Variants in TXNDC15 observed in about 807,000 individuals in gnomAD.
TXNDC15 encodes the protein thioredoxin domain containing 15.
A neutral mutation model predicts 35.0 loss-of-function variants in TXNDC15; 24 were observed. The ratio of observed to expected loss-of-function variants is 0.68; its 90% CI spans 0.50 to 0.96. The LOEUF (loss-of-function observed/expected upper bound fraction) is 0.96. TXNDC15 is among the 40% of genes least tolerant of loss of function. The pLI is 0.00. For synonymous variants in TXNDC15, 169 were observed against 174.0 expected, an observed-to-expected ratio of 0.97 and a Z score of 0.23; for missense variants, 385 against 453.3, an observed-to-expected ratio of 0.85 and a Z score of 1.37.
At chr5:134,880,847 T>C (rs1750127675) in intron 1 of TXNDC15, among the ~76,000 whole-genome samples, 1 of 152,178 alleles carries the variant, frequency 6.6e-6, no homozygotes, top group Non-Finnish European at 1.5e-5. Context: ...CATGATGTTT[T>C]GTTTTTTTTC....
chr5:134,890,587 T>G (rs796514455), intron 2 of TXNDC15, among the ~76,000 whole-genome samples: 3 of 152,132 alleles, frequency 2.0e-5, no homozygotes, highest in African/African-American at 7.2e-5. Flanking sequence ...TTTTTGTATT[T>G]TTAGTAGAGA....
chr5:134,893,747 G>A (rs1183558138), intron 3 of TXNDC15, 92 bp downstream of exon 3: 8 of 1,515,710 alleles, frequency 5.3e-6, no homozygotes, highest in Admixed American at 3.4e-5. Context: ...AAGCAGAAGA[G>A]GGGGGGCATG....
rs758655141 is a variant in TXNDC15, at chr5:134,896,315, C to A, written c.777C>A (p.Thr259=). The A allele has an allele frequency of 1.2e-6, 2 of 1,613,520 alleles. No individual in the cohort carries two copies. The highest frequency in any genetic ancestry group is 2.2e-5 in the East Asian group (1 of 44,844). The part of the protein sequence containing the change: ...QHSSLSTRFG[T]VAVPNILLFQ... ...GTAGCCTTTCTACCAGGTTTGGCACCGTAGCTGTTCCTAATATTTTATTAT... is the reference window on the plus strand; with the variant it reads ...GTAGCCTTTCTACCAGGTTTGGCACAGTAGCTGTTCCTAATATTTTATTAT... Residue 259 remains threonine, a synonymous_variant, in exon 4 of 5, where the codon ACC becomes ACA. Coordinates refer to ENST00000358387, the MANE Select transcript of TXNDC15 (RefSeq NM_024715.4).
intron 1 of TXNDC15, among the ~76,000 whole-genome samples, chr5:134,885,594 C>T (rs567330480): frequency 6.6e-6 from 1 of 152,290 alleles, no homozygotes; most frequent in East Asian, 1.9e-4. Flanking sequence ...CTAGATAGCT[C>T]CTCTCATCTG....
chr5:134,896,244 A>G, intron 3 of TXNDC15, 50 bp from the exon 4 acceptor site: 2 of 1,582,792 alleles, frequency 1.3e-6, no homozygotes, highest in Non-Finnish European at 8.6e-7. Context: ...TGTATGAGAA[A>G]GCCCTCTATT....
At chr5:134,883,701 C>A (rs1162383422) in intron 1 of TXNDC15, among the ~76,000 whole-genome samples, 1 of 151,098 alleles carries the variant, frequency 6.6e-6, no homozygotes, top group Non-Finnish European at 1.5e-5. Context: ...TCACTTGGGG[C>A]CAGGAGTTTG....
intron 3 of TXNDC15, among the ~76,000 whole-genome samples, chr5:134,894,424 A>G (rs1294917689): frequency 4.1e-5 from 6 of 148,022 alleles, no homozygotes; most frequent in Non-Finnish European, 7.4e-5. Flanking sequence ...CTGGAGTGCA[A>G]TGGTGTGATC....
chr5:134,898,873 G>C (rs183644940), intron 4 of TXNDC15, among the ~76,000 whole-genome samples: 1 of 152,156 alleles, frequency 6.6e-6, no homozygotes, highest in Admixed American at 6.5e-5. Flanking sequence ...TCTGGAGTTC[G>C]AGACCAGCCT....
chr5:134,875,131 C>T (rs538954135), intron 1 of TXNDC15: 50 of 456,278 alleles, frequency 1.1e-4, no homozygotes, highest in South Asian at 7.6e-4. Context: ...TTGCTCAGCT[C>T]CCTGCATGAA....
Position 134,893,582 on chromosome 5 carries a change from C to T in TXNDC15, c.682C>T (p.Pro228Ser). The stretch of plus-strand genomic sequence containing the variant: ...GTGCCGCTTTTCTGCCAGTTTGGCC[C>T]CTCACTTTAACTCTCTGCCCCGGGC... ...PWCRFSASLA[P>S]HFNSLPRAFP... is the part of the protein sequence containing the mutation. The change falls in exon 3 of 5, where the codon CCT becomes TCT. Residue 228 changes from proline (P) to serine (S), a missense_variant. Pro to Ser is a moderately conservative substitution (Grantham distance 74, BLOSUM62 -1). Transcript: ENST00000358387. 1 of 1,614,226 alleles carries T rather than the reference C, an allele frequency of 6.2e-7. No homozygotes were observed. Among genetic ancestry groups the T allele is most frequent in the African/African-American group, 1.3e-5 (1 of 75,052 alleles).
chr5:134,874,167 C>G (rs538154670), upstream of TXNDC15: 5 of 443,012 alleles, frequency 1.1e-5, no homozygotes, highest in East Asian at 1.6e-4. Flanking sequence ...CAGAGCCATG[C>G]TCTGCACTCT....
chr5:134,884,680 A>G (rs2150186301), intron 1 of TXNDC15, among the ~76,000 whole-genome samples: 1 of 151,464 alleles, frequency 6.6e-6, no homozygotes, highest in South Asian at 2.1e-4. Context: ...GATATTTTTA[A>G]TATCTTATAT....
Position 134,893,453 on chromosome 5 carries a change from T to C in TXNDC15, c.592-39T>C, listed in dbSNP as rs774530250. On this transcript the variant is annotated intron_variant, in intron 2 of 4. Coordinates refer to ENST00000358387, the MANE Select transcript of TXNDC15 (RefSeq NM_024715.4). ...TGGGTATCCTTTCAGAAAAATGTAC[T>C]TTTACTGCTAACTTTAATGCTTGTT... The C allele has an allele frequency of 5.6e-6, 9 of 1,610,676 alleles. No individual in the cohort carries two copies. In the South Asian group the frequency reaches 7.7e-5, roughly 14 times the overall value.
chr5:134,898,069 G>A (rs1334719635), intron 4 of TXNDC15, among the ~76,000 whole-genome samples: 1 of 151,768 alleles, frequency 6.6e-6, no homozygotes, highest in Non-Finnish European at 1.5e-5. Context: ...CAGCACCACT[G>A]CTCCTGCCTT....
rs114833307 is a variant in TXNDC15 at position 134,888,451 on chromosome 5, C to T, written c.591+269C>T. Among the ~76,000 whole-genome samples the T allele has an allele frequency of 9.1e-3, 1,388 of 152,198 alleles. 13 individuals are homozygous for T. The highest frequency in any genetic ancestry group is 0.032 in the African/African-American group (1,310 of 41,540). On this transcript the variant is annotated intron_variant, in intron 2 of 4. Coordinates refer to ENST00000358387, the MANE Select transcript of TXNDC15 (RefSeq NM_024715.4). ...ACCACCAAACCTCACGATAGAAATC[C>T]CAGTGGACAGATAGTTGCTTGGCAC... is the stretch of plus-strand genomic sequence containing the variant.
chr5:134,884,470 A>T (rs1353254240), intron 1 of TXNDC15, among the ~76,000 whole-genome samples: 1 of 151,396 alleles, frequency 6.6e-6, no homozygotes, highest in Admixed American at 6.6e-5. Flanking sequence ...CTGGTCTCGA[A>T]CTCCCGACCT....
chr5:134,879,194 G>T (rs1344211773), intron 1 of TXNDC15, among the ~76,000 whole-genome samples: 1 of 152,142 alleles, frequency 6.6e-6, no homozygotes, highest in Admixed American at 6.6e-5. Context: ...TTTACAATGT[G>T]CAGGGGGATG....
chr5:134,875,110 G>T (rs1750005364), intron 1 of TXNDC15: 1 of 456,268 alleles, frequency 2.2e-6, no homozygotes, highest in Middle Eastern at 3.3e-4. Flanking sequence ...ACTGTCTTAA[G>T]GAGGCCAGTC....
At chr5:134,896,104 GC>G (rs1156450248) in intron 3 of TXNDC15, 189 bp from the exon 4 acceptor site, 5 of 506,390 alleles carry the variant, frequency 9.9e-6, no homozygotes, top group Non-Finnish European at 3.4e-6. Flanking sequence ...GAAAAGGAGT[GC>G]CCCCCAGCCA....
Sources: allele counts gnomAD v4.1 joint callset (sites outside exome capture counted in the v4.1 genomes callset), GRCh38; gene constraint gnomAD v4.1.1; transcripts MANE v1.5; gene names NCBI Gene and HGNC (gene_info 2026-07-23, HGNC 2026-07-21).